The following TMTC3 variants were observed in gnomAD, a reference collection of about 807,000 sequenced individuals.
TMTC3 encodes transmembrane O-mannosyltransferase targeting cadherins 3.
Under a neutral mutation model 92.2 loss-of-function variants are expected in TMTC3, and 52 were observed. The ratio of observed to expected loss-of-function variants is 0.56; its 90% CI spans 0.45 to 0.71. The LOEUF (loss-of-function observed/expected upper bound fraction) is 0.71, where lower values mean the gene tolerates loss of function less well. Ranked by LOEUF, TMTC3 falls within the 30% of genes least tolerant of loss-of-function variation. The pLI is 0.00. For synonymous variants in TMTC3, 339 were observed against 363.3 expected, an observed-to-expected ratio of 0.93 and a Z score of 0.76; for missense variants, 896 against 1,057.1, an observed-to-expected ratio of 0.85 and a Z score of 2.11.
rs2041498733 is a variant in TMTC3, at chr12:88,195,363, C to T, written c.2459C>T (p.Ser820Leu). The change falls in exon 14 of 14, where the codon TCA (serine) becomes TTA (leucine). Residue 820 changes from serine to leucine, a missense_variant. By Grantham distance (145) the Ser-to-Leu change is moderately radical. Transcript: ENST00000266712. Reference sequence around the variant, plus strand: ...AATATAGTCAGGGATAAGATTTCCTCATCTAGTTTTATAGAGCCAATATTC... The same window carrying T: ...AATATAGTCAGGGATAAGATTTCCTTATCTAGTTTTATAGAGCCAATATTC... ...HLNIVRDKISSSSFIEPIFPT... is the reference protein window; with the variant it reads ...HLNIVRDKISLSSFIEPIFPT... The T allele has an allele frequency of 6.2e-7, 1 of 1,613,786 alleles. No homozygotes were observed. The highest frequency in any genetic ancestry group is 1.7e-5 in the Admixed American group (1 of 59,978).
chr12:88,144,269 T>A (rs1417154207), intron 1 of TMTC3, among the ~76,000 whole-genome samples: 1 of 152,190 alleles, frequency 6.6e-6, no homozygotes, highest in East Asian at 1.9e-4. Context: ...AAGATGGAGT[T>A]GTTGTGATTC....
Position 88,174,588 on chromosome 12 carries a change from C to G in TMTC3, c.1200-19C>G. The G allele has an allele frequency of 1.3e-6, 2 of 1,582,002 alleles. No homozygotes were observed. Among genetic ancestry groups the G allele is most frequent in the South Asian group, 1.2e-5 (1 of 85,520 alleles). On this transcript the variant is annotated intron_variant, in intron 8 of 13. Transcript: ENST00000266712. ...GATGAAGACAATTTTTTTTGTTTTGCTTTTTTTCTCTTAAACAGTGTATTT... is the reference window on the plus strand; with the variant it reads ...GATGAAGACAATTTTTTTTGTTTTGGTTTTTTTCTCTTAAACAGTGTATTT...
chr12:88,192,131 G>A (rs1301577549), intron 12 of TMTC3, among the ~76,000 whole-genome samples: 1 of 146,450 alleles, frequency 6.8e-6, no homozygotes, highest in East Asian at 2.0e-4. Flanking sequence ...TTTTTGCATA[G>A]TGAGCCTTCT....
Position 88,154,364 on chromosome 12 carries a change from C to A in TMTC3, c.485C>A (p.Ser162Ter). 6.2e-7 allele frequency: 1 copy of A among 1,604,436 alleles called. No homozygotes were observed. The highest frequency in any genetic ancestry group is 1.1e-5 in the South Asian group (1 of 88,820). Residue 162 changes from serine to a stop codon, truncating the protein, a stop_gained, in exon 4 of 14, where the codon TCA becomes TAA. Transcript: ENST00000266712. LOFTEE classifies it high-confidence loss of function. The stretch of plus-strand genomic sequence containing the variant: ...GCAGCTTTTTTGTCATATACCAGAT[C>A]AAAAGGACCAGACAATTCCATAAGT... ...FLAAFLSYTR[S>*]KGPDNSIIWT...
intron 2 of TMTC3, among the ~76,000 whole-genome samples, chr12:88,150,911 A>G (rs529402384): frequency 1.3e-5 from 2 of 152,104 alleles, no homozygotes; most frequent in African/African-American, 2.4e-5. Flanking sequence ...CTTTGGACTC[A>G]TGTGAACCTC....
intron 1 of TMTC3, among the ~76,000 whole-genome samples, chr12:88,147,493 T>C (rs2040889905): frequency 6.6e-6 from 1 of 152,138 alleles, no homozygotes; most frequent in Non-Finnish European, 1.5e-5. Context: ...TTGGATCCCA[T>C]TTCCTGATTT....
chr12:88,176,282 T>C lies in TMTC3; in HGVS notation c.1395T>C (p.Ala465=). Reference sequence around the variant, plus strand: ...AAAATGAAAAGAACTTTGAGAGAGCTTTGAAATACTTCTTACAGGCTACCC... The same window carrying C: ...AAAATGAAAAGAACTTTGAGAGAGCCTTGAAATACTTCTTACAGGCTACCC... The part of the protein sequence containing the change: ...ALENEKNFER[A]LKYFLQATHV... Residue 465 remains alanine, a synonymous_variant, in exon 10 of 14, where the codon GCT becomes GCC. Coordinates refer to ENST00000266712, the MANE Select transcript of TMTC3 (RefSeq NM_181783.4). 1 of 1,612,264 alleles carries C rather than the reference T, an allele frequency of 6.2e-7. No homozygotes were observed. Among genetic ancestry groups the C allele is most frequent in the Non-Finnish European group, 8.5e-7 (1 of 1,179,012 alleles).
chr12:88,160,099 G>C lies in TMTC3; in HGVS notation c.509-15G>C, dbSNP rs747667433. ...TGTTTTCTGAATTTTTATATTTTCT[G>C]TTCTCAAATTGCAGTATGGACTCCA... is the stretch of plus-strand genomic sequence containing the variant. On this transcript the variant is annotated splice_polypyrimidine_tract_variant and intron_variant, in intron 4 of 13. Coordinates refer to ENST00000266712, the MANE Select transcript of TMTC3 (RefSeq NM_181783.4). The C allele has an allele frequency of 3.0e-5, 45 of 1,493,818 alleles. No individual in the cohort carries two copies. The highest frequency in any genetic ancestry group is 2.5e-5 in the Non-Finnish European group (27 of 1,101,206). The allele number at this position is 1,493,818 out of a possible 1,614,324, so 92.5% of individuals were successfully genotyped here. A position where few individuals can be genotyped will look rare whatever the true frequency, so the allele number is the denominator to read the frequency against.
chr12:88,143,336 AT>A (rs2040801392), intron 1 of TMTC3, among the ~76,000 whole-genome samples: 1 of 152,222 alleles, frequency 6.6e-6, no homozygotes, highest in African/African-American at 2.4e-5. Flanking sequence ...CATTAGTTAG[AT>A]TTATAGGAAT....
rs932509829 is a variant in TMTC3, at chr12:88,149,567, A to G, written c.189+1063A>G. On this transcript the variant is annotated intron_variant, in intron 2 of 13. Coordinates refer to ENST00000266712, the MANE Select transcript of TMTC3 (RefSeq NM_181783.4). ...AGTCATTTAAGGTCTCAAGTAATAA[A>G]TGAATTATTTTATCTACACTACCTG... is the stretch of plus-strand genomic sequence containing the variant. Among the ~76,000 whole-genome samples, 4 of 152,146 alleles carry G rather than the reference A, an allele frequency of 2.6e-5. No homozygotes were observed. The South Asian group carries it at 8.3e-4, about 32-fold the overall frequency.
At chr12:88,178,590 T>G (rs890933949) in intron 10 of TMTC3, among the ~76,000 whole-genome samples, 2 of 151,994 alleles carry the variant, frequency 1.3e-5, no homozygotes, top group Non-Finnish European at 1.5e-5. Context: ...ACTGTGGAGC[T>G]TCCTTGGGGT....
At position 88,154,320 on chromosome 12, in the gene TMTC3, G is replaced by T. The variant is rs146077935; in HGVS notation, c.441G>T (p.Leu147Phe). ...GAGTTGTTGGAAGAGCAGAACTTTT[G>T]TCATCTATCTTTTTTCTAGCAGCTT... Reference protein sequence around the residue: ...VTGVVGRAELLSSIFFLAAFL... With the variant: ...VTGVVGRAELFSSIFFLAAFL... The change falls in exon 4 of 14, where the codon TTG (leucine) becomes TTT (phenylalanine). Residue 147 changes from leucine to phenylalanine, a missense_variant. Physicochemically the swap from Leu to Phe is conservative, Grantham distance 22 (BLOSUM62 0). Transcript: ENST00000266712. 27 of 1,606,876 alleles carry T rather than the reference G, an allele frequency of 1.7e-5. No homozygotes were observed. In the African/African-American group the frequency reaches 3.6e-4, roughly 22 times the overall value.
chr12:88,186,969 CTCTT>C (rs1218644287), intron 10 of TMTC3, among the ~76,000 whole-genome samples: 3 of 151,880 alleles, frequency 2.0e-5, no homozygotes, highest in African/African-American at 7.3e-5. Context: ...AGTATATAAC[CTCTT>C]TCTTTTCTAA....
intron 13 of TMTC3, 128 bp downstream of exon 13, chr12:88,192,958 C>CCTG: frequency 1.5e-6 from 1 of 666,742 alleles, no homozygotes; most frequent in Non-Finnish European, 2.4e-6. Context: ...CTGTGCTTAA[C>CCTG]TGATTTATAG....
chr12:88,192,215 G>T (rs2041452699), intron 12 of TMTC3, among the ~76,000 whole-genome samples: 1 of 151,176 alleles, frequency 6.6e-6, no homozygotes, highest in South Asian at 2.1e-4. Flanking sequence ...CTGTTATTTT[G>T]TCACCTGACA....
intron 10 of TMTC3, among the ~76,000 whole-genome samples, chr12:88,181,878 C>T (rs576267566): frequency 3.3e-5 from 5 of 151,208 alleles, no homozygotes; most frequent in South Asian, 2.1e-4. Flanking sequence ...CAGTGAAAAG[C>T]GTTAAAGCAT....
rs1376704540 is a variant in TMTC3 at position 88,166,488 on chromosome 12, G to A, written c.956G>A (p.Arg319Gln). The A allele has an allele frequency of 5.6e-6, 9 of 1,613,620 alleles. No individual in the cohort carries two copies. The highest frequency in any genetic ancestry group is 4.0e-5 in the African/African-American group (3 of 74,806). The change falls in exon 7 of 14, where the codon CGA becomes CAA. Residue 319 changes from arginine (R) to glutamine (Q), a missense_variant. Arg to Gln is a conservative substitution (Grantham distance 43). Coordinates refer to ENST00000266712, the MANE Select transcript of TMTC3 (RefSeq NM_181783.4). ...CTTATAGAGTCATTACTAGATATTC[G>A]AAATCTGGCCACATTTACTTTCTTT... The part of the protein sequence containing the change: ...IPLIESLLDI[R>Q]NLATFTFFCF...
intron 4 of TMTC3, among the ~76,000 whole-genome samples, chr12:88,158,690 T>G (rs1365896829): frequency 2.1e-5 from 3 of 143,612 alleles, no homozygotes; most frequent in Non-Finnish European, 4.6e-5. Context: ...TCATGAATTC[T>G]GTTCTTGTTT....
intron 4 of TMTC3, among the ~76,000 whole-genome samples, chr12:88,155,318 T>C (rs1247803230): frequency 6.6e-6 from 1 of 152,182 alleles, no homozygotes; most frequent in Non-Finnish European, 1.5e-5. Flanking sequence ...ATAATAATAG[T>C]CCCCTACCTG....
Sources: gnomAD v4.1 joint callset for allele counts (sites outside exome capture counted in the v4.1 genomes callset) on GRCh38, gnomAD v4.1.1 for gene constraint, MANE v1.5 for transcripts, NCBI Gene and HGNC (gene_info 2026-07-23, HGNC 2026-07-21) for gene names.